The following ZNF385B variants were observed in gnomAD, a reference collection of about 807,000 sequenced individuals.
ZNF385B encodes zinc finger protein 385B.
Under a neutral mutation model 39.2 loss-of-function variants are expected in ZNF385B, and 23 were observed. That is an observed-to-expected ratio of 0.59 (90% CI 0.42 to 0.83). The LOEUF is 0.83. ZNF385B is among the 40% of genes least tolerant of loss of function. The pLI is 0.00. For synonymous variants in ZNF385B, 205 were observed against 222.6 expected, an observed-to-expected ratio of 0.92 and a Z score of 0.70; for missense variants, 552 against 598.9, an observed-to-expected ratio of 0.92 and a Z score of 0.82.
At chr2:179,759,438 C>A (rs1703234812) in intron 3 of ZNF385B, among the ~76,000 whole-genome samples, 1 of 152,150 alleles carries the variant, frequency 6.6e-6, no homozygotes, top group Non-Finnish European at 1.5e-5. Context: ...TTTTCCTGTA[C>A]CTCTGTTCCC....
rs980380492 is a variant in ZNF385B at position 179,603,889 on chromosome 2, G to T, written c.299-58920C>A. ...AAATAAAATTAAATGCCTCTTTGTA[G>T]TAGATTCTACAAGAAAGAAAAAATA... On this transcript the variant is annotated intron_variant, in intron 3 of 9. Coordinates refer to ENST00000410066, the MANE Select transcript of ZNF385B (RefSeq NM_152520.6). Among the ~76,000 whole-genome samples the T allele has an allele frequency of 3.7e-4, 57 of 152,218 alleles. 1 individual carries two copies. The highest frequency in any genetic ancestry group is 1.3e-3 in the African/African-American group (56 of 41,544).
At chr2:179,815,785 A>G (rs377380589) in intron 1 of ZNF385B, among the ~76,000 whole-genome samples, 187 of 152,248 alleles carry the variant, frequency 1.2e-3, no homozygotes, top group African/African-American at 4.3e-3. Flanking sequence ...GGAATCCTTC[A>G]TTCTTGAAAA....
intron 3 of ZNF385B, among the ~76,000 whole-genome samples, chr2:179,629,405 A>G (rs1471982254): frequency 1.3e-5 from 2 of 152,240 alleles, no homozygotes; most frequent in Non-Finnish European, 2.9e-5. Context: ...GATAACCTCA[A>G]ACATATGAAT....
chr2:179,592,396 A>T (rs915768715), intron 3 of ZNF385B, among the ~76,000 whole-genome samples: 1 of 152,202 alleles, frequency 6.6e-6, no homozygotes, highest in African/African-American at 2.4e-5. Context: ...TAAAATACAC[A>T]ATTCAATCAT....
chr2:179,794,018 TGGAGTGAGACTGTTTTCTAG>T (rs1705501612), intron 1 of ZNF385B, among the ~76,000 whole-genome samples: 1 of 152,256 alleles, frequency 6.6e-6, no homozygotes, highest in Admixed American at 6.5e-5. Flanking sequence ...AACAACATTT[TGGAGTGAGACTGTTTTCTAG>T]TTTAAACCTA....
At chr2:179,825,148 T>C (rs747247859) in intron 1 of ZNF385B, among the ~76,000 whole-genome samples, 89 of 152,312 alleles carry the variant, frequency 5.8e-4, no homozygotes, top group Non-Finnish European at 1.1e-3. Flanking sequence ...TCAGTGGTCA[T>C]ATGGTGTTTA....
At chr2:179,722,750 A>C (rs1700773078) in intron 3 of ZNF385B, among the ~76,000 whole-genome samples, 1 of 152,208 alleles carries the variant, frequency 6.6e-6, no homozygotes, top group East Asian at 1.9e-4. Context: ...GATTAATTTT[A>C]CTAAGAGTCA....
intron 1 of ZNF385B, among the ~76,000 whole-genome samples, chr2:179,860,558 C>A (rs749949474): frequency 2.6e-5 from 4 of 152,254 alleles, no homozygotes; most frequent in East Asian, 1.9e-4. Flanking sequence ...CCAACAAGTG[C>A]AAACTTCGGG....
intron 1 of ZNF385B, among the ~76,000 whole-genome samples, chr2:179,848,519 G>T (rs1708917587): frequency 6.6e-6 from 1 of 152,120 alleles, no homozygotes. Context: ...TCTATTTATT[G>T]TCAGGCTCAG....
chr2:179,460,821 C>G (rs1326417663), intron 6 of ZNF385B, among the ~76,000 whole-genome samples: 1 of 152,158 alleles, frequency 6.6e-6, no homozygotes, highest in Non-Finnish European at 1.5e-5. Context: ...GCCCCCTGCC[C>G]ATGAAACTAT....
rs555734196 is a variant in ZNF385B, at chr2:179,781,912, G to T, written c.-154-11240C>A. Among the ~76,000 whole-genome samples the T allele has an allele frequency of 6.6e-5, 10 of 152,222 alleles. No individual in the cohort carries two copies. In the South Asian group the frequency reaches 1.7e-3, roughly 25 times the overall value. ...AATTCTACCAGATATACAAAGAAGAGCTGGTACAATTCCTATAGAAACTAT... is the reference window on the plus strand; with the variant it reads ...AATTCTACCAGATATACAAAGAAGATCTGGTACAATTCCTATAGAAACTAT... On this transcript the variant is annotated intron_variant, in intron 1 of 9. Coordinates refer to ENST00000410066, the MANE Select transcript of ZNF385B (RefSeq NM_152520.6).
chr2:179,619,937 T>G (rs1690070350), intron 3 of ZNF385B, among the ~76,000 whole-genome samples: 2 of 152,242 alleles, frequency 1.3e-5, no homozygotes, highest in African/African-American at 4.8e-5. Context: ...TGTCATTTAC[T>G]AGCTATGTGA....
intron 6 of ZNF385B, among the ~76,000 whole-genome samples, chr2:179,469,258 T>A (rs1186113436): frequency 6.6e-6 from 1 of 152,210 alleles, no homozygotes; most frequent in Non-Finnish European, 1.5e-5. Flanking sequence ...GGGCCACACA[T>A]AAGTTATACT....
At position 179,552,237 on chromosome 2, in the gene ZNF385B, T is replaced by G. The variant is rs750870116; in HGVS notation, c.299-7268A>C. ...TAAAAGCCCATTTAGATTATAACTT[T>G]GAGACTTCCTAGTGGCTCTTCTTTA... On this transcript the variant is annotated intron_variant, in intron 3 of 9. Transcript: ENST00000410066. Among the ~76,000 whole-genome samples the G allele has an allele frequency of 4.0e-4, 60 of 149,524 alleles. 7 individuals are homozygous for G. Among genetic ancestry groups the G allele is most frequent in the African/African-American group, 1.4e-3 (57 of 39,822 alleles).
chr2:179,815,036 G>A, intron 1 of ZNF385B, among the ~76,000 whole-genome samples: 1 of 152,180 alleles, frequency 6.6e-6, no homozygotes, highest in Admixed American at 6.5e-5. Flanking sequence ...TTCACAGTAT[G>A]TCTCTATCGT....
At chr2:179,845,072 T>C (rs1575590718) in intron 1 of ZNF385B, among the ~76,000 whole-genome samples, 1 of 152,172 alleles carries the variant, frequency 6.6e-6, no homozygotes, top group Admixed American at 6.5e-5. Flanking sequence ...TCCAATACAA[T>C]TGATTATCTC....
intron 3 of ZNF385B, among the ~76,000 whole-genome samples, chr2:179,671,950 C>T (rs1318389171): frequency 6.6e-6 from 1 of 152,240 alleles, no homozygotes; most frequent in Non-Finnish European, 1.5e-5. Context: ...GCTCCTGATA[C>T]CCTGGGGTGG....
intron 3 of ZNF385B, among the ~76,000 whole-genome samples, chr2:179,658,831 G>A (rs1215489182): frequency 1.3e-5 from 2 of 152,076 alleles, no homozygotes; most frequent in Admixed American, 6.5e-5. Context: ...AGGCTGGAGT[G>A]CAGTGGCGCA....
At chr2:179,620,646 C>A (rs115703159) in intron 3 of ZNF385B, among the ~76,000 whole-genome samples, 1 of 151,770 alleles carries the variant, frequency 6.6e-6, no homozygotes, top group Non-Finnish European at 1.5e-5. Context: ...TTTGGCAGAT[C>A]GGTAAAGAAT....
Sources: allele counts gnomAD v4.1 joint callset (sites outside exome capture counted in the v4.1 genomes callset), GRCh38; gene constraint gnomAD v4.1.1; transcripts MANE v1.5; gene names NCBI Gene and HGNC (gene_info 2026-07-23, HGNC 2026-07-21).